TENM3: variants seen among roughly 807,000 people sequenced by gnomAD.
TENM3 encodes teneurin-3.
Under a neutral mutation model 255.1 loss-of-function variants are expected in TENM3, and 63 were observed. The ratio of observed to expected loss-of-function variants is 0.25; its 90% CI spans 0.20 to 0.30. The LOEUF (loss-of-function observed/expected upper bound fraction) is 0.30, where lower values mean the gene tolerates loss of function less well. Among genes scored for constraint, TENM3 ranks in the 10% least tolerant of loss-of-function variants. TENM3 has a pLI of 1.00. For missense variants in TENM3, 2,929 were observed against 3,461.1 expected (o/e 0.85, Z 3.86); for synonymous variants, 1,306 against 1,322.3 (o/e 0.99, Z 0.27).
chr4:181,800,146 A>G, the TENM3 span, among the ~76,000 whole-genome samples: 1 of 152,164 alleles, frequency 6.6e-6, no homozygotes, highest in Non-Finnish European at 1.5e-5. Context: ...GGTAATGAGG[A>G]CTAGATTCAA....
intron 3 of TENM3, among the ~76,000 whole-genome samples, chr4:182,545,175 C>T (rs1018454081): frequency 2.6e-5 from 4 of 151,984 alleles, no homozygotes; most frequent in African/African-American, 7.3e-5. Flanking sequence ...GAGTCTATCA[C>T]GTGAGTAAAA....
chr4:181,756,348 T>G, the TENM3 span, among the ~76,000 whole-genome samples: 3 of 152,172 alleles, frequency 2.0e-5, no homozygotes, highest in Non-Finnish European at 4.4e-5. Flanking sequence ...AGTGGTCAAT[T>G]TCAGTATTAT....
the TENM3 span, among the ~76,000 whole-genome samples, chr4:182,015,672 T>C: frequency 6.6e-6 from 1 of 152,116 alleles, no homozygotes; most frequent in African/African-American, 2.4e-5. Context: ...GTGATTCTCC[T>C]GCCTCAGCCT....
the TENM3 span, among the ~76,000 whole-genome samples, chr4:181,865,692 G>C: frequency 6.6e-6 from 1 of 152,058 alleles, no homozygotes; most frequent in Admixed American, 6.5e-5. Context: ...TTTCCACTCT[G>C]TCTATTTTCA....
chr4:181,965,258 C>T, the TENM3 span, among the ~76,000 whole-genome samples: 4 of 152,124 alleles, frequency 2.6e-5, no homozygotes, highest in Admixed American at 2.6e-4. Flanking sequence ...TTTAATCTTT[C>T]GTCTTTCTGC....
chr4:182,735,854 T>C (rs1761119592), intron 16 of TENM3, among the ~76,000 whole-genome samples: 2 of 152,214 alleles, frequency 1.3e-5, no homozygotes, highest in South Asian at 4.1e-4. Context: ...TGGCATAATG[T>C]ATTTTGCATT....
chr4:182,547,984 A>G (rs56398304), intron 3 of TENM3, among the ~76,000 whole-genome samples: 10,599 of 152,132 alleles, frequency 0.07, 526 homozygotes, highest in Non-Finnish European at 0.11. Context: ...TTGGGAGGTC[A>G]AGGTGGGAGG....
rs142176045 is a variant in TENM3 at position 182,678,402 on chromosome 4, C to T, written c.1327-1264C>T. On this transcript the variant is annotated intron_variant, in intron 7 of 27. Coordinates refer to ENST00000511685, the MANE Select transcript of TENM3 (RefSeq NM_001080477.4). The stretch of plus-strand genomic sequence containing the variant: ...ACTGTTACTGCCATCCTTTCAGAAC[C>T]CCTCCATTGTTTAACTGTTTAGATC... Among the ~76,000 whole-genome samples, 62 of 152,260 alleles carry T rather than the reference C, an allele frequency of 4.1e-4. No individual in the cohort carries two copies. In the East Asian group the frequency reaches 0.012, roughly 29 times the overall value.
chr4:181,881,714 T>A, the TENM3 span, among the ~76,000 whole-genome samples: 3 of 152,152 alleles, frequency 2.0e-5, no homozygotes, highest in African/African-American at 4.8e-5. Flanking sequence ...TACAGAACTA[T>A]GACAGAGACA....
chr4:181,644,804 T>C, the TENM3 span, among the ~76,000 whole-genome samples: 1 of 152,294 alleles, frequency 6.6e-6, no homozygotes, highest in South Asian at 2.1e-4. Context: ...AATCTCTGTC[T>C]ACCTCCTCTC....
At chr4:182,579,055 T>C (rs563997820) in intron 3 of TENM3, among the ~76,000 whole-genome samples, 12 of 152,352 alleles carry the variant, frequency 7.9e-5, no homozygotes, top group African/African-American at 2.9e-4. Context: ...TCCCATCTCC[T>C]CAATTAGGGA....
chr4:181,585,618 CA>C, the TENM3 span, among the ~76,000 whole-genome samples: 2 of 151,976 alleles, frequency 1.3e-5, no homozygotes, highest in Admixed American at 1.3e-4. Context: ...TTAAGCAGGA[CA>C]AAAATAATGT....
At chr4:181,839,067 A>AT in the TENM3 span, among the ~76,000 whole-genome samples, 1 of 151,262 alleles carries the variant, frequency 6.6e-6, no homozygotes, top group Non-Finnish European at 1.5e-5. Context: ...AAATTTGGCT[A>AT]TTTCGTTTTT....
At chr4:182,439,935 C>T (rs1269069883) in intron 3 of TENM3, among the ~76,000 whole-genome samples, 1 of 152,110 alleles carries the variant, frequency 6.6e-6, no homozygotes, top group Non-Finnish European at 1.5e-5. Flanking sequence ...CTTCCTCTCT[C>T]TGGCCCCTCT....
At chr4:182,027,421 A>G in the TENM3 span, among the ~76,000 whole-genome samples, 1 of 152,128 alleles carries the variant, frequency 6.6e-6, no homozygotes. Context: ...ATCCGCAAAC[A>G]AGGATAATTT....
chr4:181,469,026 CT>C, the TENM3 span, among the ~76,000 whole-genome samples: 1 of 152,086 alleles, frequency 6.6e-6, no homozygotes, highest in Admixed American at 6.6e-5. Flanking sequence ...TAATCTCTTT[CT>C]TTGTAAAATT....
intron 3 of TENM3, among the ~76,000 whole-genome samples, chr4:182,414,637 C>T (rs1770235839): frequency 6.6e-6 from 1 of 152,088 alleles, no homozygotes. Context: ...AATTCTGATT[C>T]TAAACTTGCA....
chr4:181,695,177 G>A, the TENM3 span, among the ~76,000 whole-genome samples: 1 of 152,046 alleles, frequency 6.6e-6, no homozygotes, highest in African/African-American at 2.4e-5. Flanking sequence ...TATGTTATTT[G>A]TACAATTGAT....
At chr4:182,430,458 G>A (rs2151188146) in intron 3 of TENM3, among the ~76,000 whole-genome samples, 1 of 152,238 alleles carries the variant, frequency 6.6e-6, no homozygotes, top group South Asian at 2.1e-4. Context: ...TGAGGCAGGA[G>A]AATCACTTAA....
Sources: allele counts gnomAD v4.1 joint callset (sites outside exome capture counted in the v4.1 genomes callset), GRCh38; gene constraint gnomAD v4.1.1; transcripts MANE v1.5; gene names NCBI Gene and HGNC (gene_info 2026-07-23, HGNC 2026-07-21).